The following MYO1E variants were observed in gnomAD, a reference collection of about 807,000 sequenced individuals.
MYO1E encodes myosin IE, also known as unconventional myosin-Ie.
In MYO1E, 68 loss-of-function variants were observed where a neutral mutation model predicts 151.1. The ratio of observed to expected loss-of-function variants is 0.45; its 90% CI spans 0.37 to 0.55. The LOEUF (loss-of-function observed/expected upper bound fraction) is 0.55. Ranked by LOEUF, MYO1E falls within the 20% of genes least tolerant of loss-of-function variation. MYO1E has a pLI of 0.00. For synonymous variants in MYO1E, 601 were observed against 501.7 expected (o/e 1.20, Z -2.64); for missense variants, 1,363 against 1,389.3 (o/e 0.98, Z 0.30).
rs1171352366 is a variant in MYO1E, at chr15:59,138,250, G to A, written c.3198C>T (p.Asp1066=). 1.9e-6 allele frequency: 3 copies of A among 1,614,124 alleles called. No individual in the cohort carries two copies. The highest frequency in any genetic ancestry group is 2.5e-6 in the Non-Finnish European group (3 of 1,180,050). The change falls in exon 27 of 28, where the codon GAC becomes GAT. Residue 1066 remains aspartate (D), a synonymous_variant. Coordinates refer to ENST00000288235, the MANE Select transcript of MYO1E (RefSeq NM_004998.4). ...CKALYAYDAQ[D]TDELSFNAND... Reference sequence around the variant, plus strand: ...TGGCATTAAAGCTGAGTTCGTCTGTGTCCTGAGCGTCATAGGCATACAAAG... The same window carrying A: ...TGGCATTAAAGCTGAGTTCGTCTGTATCCTGAGCGTCATAGGCATACAAAG...
chr15:59,241,921 A>AAAAATAAAATAAAATAAAATAAAAT lies in MYO1E; in HGVS notation c.333-5274_333-5250dup, dbSNP rs374472292. Among the ~76,000 whole-genome samples the AAAAATAAAATAAAATAAAATAAAAT allele has an allele frequency of 8.8e-3, 1,328 of 150,806 alleles. 25 individuals carry two copies. Among genetic ancestry groups the AAAAATAAAATAAAATAAAATAAAAT allele is most frequent in the African/African-American group, 0.031 (1,250 of 40,432 alleles). On this transcript the variant is annotated intron_variant, in intron 4 of 27. Coordinates refer to ENST00000288235, the MANE Select transcript of MYO1E (RefSeq NM_004998.4). Reference sequence around the variant, plus strand: ...GTAACAAAGTGAGATCCTGTCTCTAAAAAATAAAATAAAATAAAATAAAAT... The same window carrying AAAAATAAAATAAAATAAAATAAAAT: ...GTAACAAAGTGAGATCCTGTCTCTAAAAAATAAAATAAAATAAAATAAAATAAAATAAAATAAAATAAAATAAAAT...
chr15:59,153,682 G>A lies in MYO1E; in HGVS notation c.2988C>T (p.Pro996=), dbSNP rs757732171. 5 of 1,614,106 alleles carry A rather than the reference G, an allele frequency of 3.1e-6. No individual in the cohort carries two copies. The highest frequency in any genetic ancestry group is 4.2e-6 in the Non-Finnish European group (5 of 1,180,048). Residue 996 remains proline, a synonymous_variant, in exon 26 of 28, where the codon CCC becomes CCT. Transcript: ENST00000288235. ...AACTGGTAGACTGCTGCCGAGGCAAGGGCGGGCGGGCCATGGAGGTGTACA... is the reference window on the plus strand; with the variant it reads ...AACTGGTAGACTGCTGCCGAGGCAAAGGCGGGCGGGCCATGGAGGTGTACA... ...KSLYTSMARP[P]LPRQQSTSSD...
At chr15:59,194,127 T>C (rs1273138450) in intron 17 of MYO1E, among the ~76,000 whole-genome samples, 1 of 151,088 alleles carries the variant, frequency 6.6e-6, no homozygotes, top group African/African-American at 2.4e-5. Context: ...TGAACCAAGA[T>C]CATGCCGCTG....
At chr15:59,183,920 G>C (rs1433410534) in intron 18 of MYO1E, among the ~76,000 whole-genome samples, 2 of 151,978 alleles carry the variant, frequency 1.3e-5, no homozygotes, top group African/African-American at 4.8e-5. Context: ...CCACAAATAA[G>C]TGAGAACATG....
chr15:59,296,119 C>G (rs1270980050), intron 1 of MYO1E, among the ~76,000 whole-genome samples: 1 of 152,038 alleles, frequency 6.6e-6, no homozygotes, highest in Non-Finnish European at 1.5e-5. Flanking sequence ...AATGCACCAC[C>G]CTAAAGAAAG....
In MYO1E at chr15:59,136,293, T is replaced by A. The variant is rs1372537459; in HGVS notation, c.*1087A>T. 1 of 160,638 alleles carries A rather than the reference T, an allele frequency of 6.2e-6. No homozygotes were observed. The highest frequency in any genetic ancestry group is 5.9e-5 in the Admixed American group (1 of 16,880). 10.0% of individuals were successfully genotyped at this position (160,638 alleles called of 1,614,324 possible). A position where few individuals can be genotyped will look rare whatever the true frequency, so the allele number is the denominator to read the frequency against. Reference sequence around the variant, plus strand: ...ATAAGGTCATATTGTGAGGTACTGGTGGCTGGGACTCCAACATCTTCTTTG... The same window carrying A: ...ATAAGGTCATATTGTGAGGTACTGGAGGCTGGGACTCCAACATCTTCTTTG... On this transcript the variant is annotated 3_prime_UTR_variant, in exon 28 of 28. Transcript: ENST00000288235.
chr15:59,310,590 C>T (rs1442348926), intron 1 of MYO1E, among the ~76,000 whole-genome samples: 2 of 152,190 alleles, frequency 1.3e-5, no homozygotes, highest in African/African-American at 4.8e-5. Context: ...TCTCCCCAAC[C>T]TTCGGAAGGA....
chr15:59,207,019 G>C lies in MYO1E; in HGVS notation c.1531-1534C>G, dbSNP rs1156569625. 9 of 1,614,094 alleles carry C rather than the reference G, an allele frequency of 5.6e-6. No homozygotes were observed. In the Admixed American group the frequency reaches 1.0e-4, roughly 18 times the overall value. On this transcript the variant is annotated intron_variant, in intron 14 of 27. Coordinates refer to ENST00000288235, the MANE Select transcript of MYO1E (RefSeq NM_004998.4). ...AGCGAATTTCCTATGCCTGGGGATGGCCCTGTGTCCGCGTCAAGCAACGCG... is the reference window on the plus strand; with the variant it reads ...AGCGAATTTCCTATGCCTGGGGATGCCCCTGTGTCCGCGTCAAGCAACGCG...
chr15:59,367,161 T>C (rs536854320), intron 1 of MYO1E, among the ~76,000 whole-genome samples: 1 of 152,292 alleles, frequency 6.6e-6, no homozygotes, highest in East Asian at 1.9e-4. Flanking sequence ...ATTTCTCAAA[T>C]TCCTAATGAA....
At chr15:59,360,239 G>A (rs1222726171) in intron 1 of MYO1E, among the ~76,000 whole-genome samples, 2 of 152,064 alleles carry the variant, frequency 1.3e-5, no homozygotes, top group Non-Finnish European at 2.9e-5. Context: ...AATCCTACTC[G>A]ATTCACGTCT....
intron 26 of MYO1E, among the ~76,000 whole-genome samples, chr15:59,151,151 G>A (rs1396073105): frequency 6.6e-6 from 1 of 152,128 alleles, no homozygotes; most frequent in Non-Finnish European, 1.5e-5. Flanking sequence ...TTTCAGCTGG[G>A]CGCGGTGGCT....
intron 26 of MYO1E, among the ~76,000 whole-genome samples, chr15:59,144,704 G>A (rs1165129231): frequency 2.0e-5 from 3 of 152,182 alleles, no homozygotes; most frequent in Non-Finnish European, 4.4e-5. Flanking sequence ...CGATTCACCA[G>A]ACTGGAGACC....
intron 1 of MYO1E, among the ~76,000 whole-genome samples, chr15:59,349,349 C>T (rs2080811254): frequency 6.6e-6 from 1 of 152,092 alleles, no homozygotes; most frequent in South Asian, 2.1e-4. Flanking sequence ...TCTTTAGCTT[C>T]TAGACAAGGC....
chr15:59,192,507 C>T (rs1318079409), intron 17 of MYO1E, among the ~76,000 whole-genome samples: 3 of 152,048 alleles, frequency 2.0e-5, no homozygotes, highest in African/African-American at 2.4e-5. Context: ...GAACTATCTA[C>T]GTGGGGTAGA....
At chr15:59,327,985 G>A (rs964612950) in intron 1 of MYO1E, among the ~76,000 whole-genome samples, 14 of 152,298 alleles carry the variant, frequency 9.2e-5, no homozygotes, top group Non-Finnish European at 1.9e-4. Context: ...CGGAAGCTGT[G>A]TTAAAAGAGG....
intron 25 of MYO1E, among the ~76,000 whole-genome samples, chr15:59,157,310 G>A (rs530054430): frequency 6.6e-6 from 1 of 151,968 alleles, no homozygotes; most frequent in East Asian, 1.9e-4. Flanking sequence ...TTTTGAACAG[G>A]CCTCCTGAAT....
intron 2 of MYO1E, chr15:59,271,185 A>C (rs577346653): frequency 1.3e-5 from 2 of 152,306 alleles, no homozygotes; most frequent in Non-Finnish European, 2.9e-5. Context: ...CAGTGATGGG[A>C]TAGGCAGCCG....
intron 26 of MYO1E, among the ~76,000 whole-genome samples, chr15:59,148,775 A>G (rs964113449): frequency 3.9e-5 from 6 of 152,210 alleles, no homozygotes; most frequent in Middle Eastern, 3.2e-3. Context: ...GCATGCCCAG[A>G]AGCCCTACCA....
chr15:59,368,220 A>G (rs528323758), intron 1 of MYO1E, among the ~76,000 whole-genome samples: 52 of 152,376 alleles, frequency 3.4e-4, no homozygotes, highest in African/African-American at 1.2e-3. Context: ...CGATATAACC[A>G]TGGCCTAGAA....
Sources: gnomAD v4.1 joint callset for allele counts (sites outside exome capture counted in the v4.1 genomes callset) on GRCh38, gnomAD v4.1.1 for gene constraint, MANE v1.5 for transcripts, NCBI Gene and HGNC (gene_info 2026-07-23, HGNC 2026-07-21) for gene names.